The following SLC5A7 variants were observed in gnomAD, a reference collection of about 807,000 sequenced individuals.
SLC5A7 encodes the protein solute carrier family 5 member 7.
SLC5A7 carries 19 observed loss-of-function variants against 55.4 expected under a neutral mutation model. The observed-to-expected ratio is 0.34, with a 90% CI of 0.24 to 0.50. The LOEUF is 0.50. SLC5A7 is among the 20% of genes least tolerant of loss of function. The pLI is 0.98. For missense variants in SLC5A7, 506 were observed against 705.3 expected, an observed-to-expected ratio of 0.72 and a Z score of 3.20; for synonymous variants, 265 against 263.7, an observed-to-expected ratio of 1.00 and a Z score of -0.05.
chr2:107,989,496 C>A (rs1677367302), intron 2 of SLC5A7, among the ~76,000 whole-genome samples: 1 of 152,212 alleles, frequency 6.6e-6, no homozygotes, highest in South Asian at 2.1e-4. Context: ...TCTTCATCTA[C>A]TGTACGTGGA....
intron 2 of SLC5A7, among the ~76,000 whole-genome samples, chr2:107,990,067 A>G (rs905903611): frequency 6.6e-6 from 1 of 152,312 alleles, no homozygotes; most frequent in Middle Eastern, 3.4e-3. Context: ...ACCTTGTCAG[A>G]TTGATTGACT....
At chr2:107,989,897 C>A (rs1312019095) in intron 2 of SLC5A7, among the ~76,000 whole-genome samples, 1 of 151,748 alleles carries the variant, frequency 6.6e-6, no homozygotes, top group East Asian at 1.9e-4. Flanking sequence ...TTTTTTCAAC[C>A]TAACAAGCTA....
intron 5 of SLC5A7, 108 bp from the exon 6 acceptor site, chr2:108,001,789 G>C: frequency 8.6e-7 from 1 of 1,165,618 alleles, no homozygotes; most frequent in Non-Finnish European, 1.2e-6. Context: ...TTCTCTGTCT[G>C]AACTAGAGGA....
chr2:107,995,417 C>CA (rs1677628051), intron 4 of SLC5A7, among the ~76,000 whole-genome samples: 1 of 150,330 alleles, frequency 6.7e-6, no homozygotes, highest in Non-Finnish European at 1.5e-5. Context: ...TATATAAAAA[C>CA]ATTGCTGCTA....
At chr2:107,992,583 GTAT>G (rs1482445201) in intron 3 of SLC5A7, among the ~76,000 whole-genome samples, 2 of 152,148 alleles carry the variant, frequency 1.3e-5, no homozygotes, top group Admixed American at 6.5e-5. Context: ...GAGGTCAAAA[GTAT>G]TATATAACAG....
chr2:108,003,465 A>G (rs148761110), intron 6 of SLC5A7, among the ~76,000 whole-genome samples: 2 of 152,324 alleles, frequency 1.3e-5, no homozygotes, highest in Non-Finnish European at 1.5e-5. Flanking sequence ...AAATTATAAG[A>G]CAAGTTAAAA....
intron 5 of SLC5A7, among the ~76,000 whole-genome samples, chr2:108,001,181 ATC>A (rs1677878290): frequency 6.6e-6 from 1 of 151,848 alleles, no homozygotes; most frequent in Admixed American, 6.6e-5. Context: ...GGGGATATAT[ATC>A]TCAATAGCTA....
At chr2:107,992,919 A>G (rs1234968777) in intron 3 of SLC5A7, 53 bp from the exon 4 acceptor site, 2 of 1,583,816 alleles carry the variant, frequency 1.3e-6, no homozygotes, top group Admixed American at 1.8e-5. Context: ...ATAGTAAAAG[A>G]CTATTATATT....
At chr2:108,001,069 C>G (rs1677872651) in intron 5 of SLC5A7, among the ~76,000 whole-genome samples, 1 of 151,118 alleles carries the variant, frequency 6.6e-6, no homozygotes, top group Non-Finnish European at 1.5e-5. Context: ...CTGAGAAATA[C>G]AATTCTTTAT....
intron 7 of SLC5A7, 43 bp downstream of exon 7, chr2:108,006,245 C>T (rs773036934): frequency 6.2e-7 from 1 of 1,608,744 alleles, no homozygotes; most frequent in South Asian, 1.1e-5. Context: ...GTTAGTTTAC[C>T]AATCCCCACC....
chr2:108,010,491 C>T lies in SLC5A7; in HGVS notation c.1373C>T (p.Pro458Leu). 1 of 1,613,922 alleles carries T rather than the reference C, an allele frequency of 6.2e-7. No individual in the cohort carries two copies. The part of the protein sequence containing the change: ...TGGEPYLYLQ[P>L]LIFYPGYYPD... ...GGGGAGCCATATCTGTATCTTCAGC[C>T]CTTGATCTTCTACCCTGGCTATTAC... Residue 458 changes from proline (P) to leucine (L), a missense_variant, in exon 9 of 9, where the codon CCC becomes CTC. This residue lies in a region of SLC5A7 where 137 missense variants were observed against 143.6 expected (regional missense o/e 0.95). Transcript: ENST00000264047.
At position 108,002,188 on chromosome 2, in the gene SLC5A7, C is replaced by A; in HGVS notation, c.741+148C>A. ...GGACTCTCTATCGGGAGGGTGGAGC[C>A]AGGGCCGGACTATCGTGGCTGGCAG... On this transcript the variant is annotated intron_variant, in intron 6 of 8. Transcript: ENST00000264047. The A allele has an allele frequency of 5.4e-6, 5 of 923,780 alleles. No homozygotes were observed. The South Asian group carries it at 8.7e-5, about 16-fold the overall frequency. 57.2% of individuals were successfully genotyped at this position (923,780 alleles called of 1,614,324 possible). A position where few individuals can be genotyped will look rare whatever the true frequency, so the allele number is the denominator to read the frequency against.
rs1343109902 is a variant in SLC5A7, at chr2:108,011,846, C to T, written c.*985C>T. 3 of 152,100 alleles carry T rather than the reference C, an allele frequency of 2.0e-5. No individual in the cohort carries two copies. Among genetic ancestry groups the T allele is most frequent in the Non-Finnish European group, 4.4e-5 (3 of 67,982 alleles). 9.4% of individuals were successfully genotyped at this position (152,100 alleles called of 1,614,324 possible). A position where few individuals can be genotyped will look rare whatever the true frequency, so the allele number is the denominator to read the frequency against. On this transcript the variant is annotated 3_prime_UTR_variant, in exon 9 of 9. Transcript: ENST00000264047. ...CATTGAATACTTTATGGGAAGCCTC[C>T]ACAACACCTCCTGATAGTAGTAAAA...
intron 1 of SLC5A7, among the ~76,000 whole-genome samples, chr2:107,987,769 T>G (rs1465149077): frequency 6.6e-6 from 1 of 152,170 alleles, no homozygotes; most frequent in Non-Finnish European, 1.5e-5. Context: ...TCTTTGTAAA[T>G]GATTTGACAG....
chr2:107,993,018 C>A lies in SLC5A7; in HGVS notation c.339C>A (p.Thr113=), dbSNP rs550860062. Residue 113 remains threonine (T), a synonymous_variant, in exon 4 of 9, where the codon ACC becomes ACA. Coordinates refer to ENST00000264047, the MANE Select transcript of SLC5A7 (RefSeq NM_021815.5). The part of the protein sequence containing the change: ...AKPMRSKGYV[T]MLDPFQQIYG... Reference sequence around the variant, plus strand: ...CTATGCGTTCAAAGGGGTATGTGACCATGTTAGACCCGTTTCAGCAAATCT... The same window carrying A: ...CTATGCGTTCAAAGGGGTATGTGACAATGTTAGACCCGTTTCAGCAAATCT... 2 of 1,614,136 alleles carry A rather than the reference C, an allele frequency of 1.2e-6. No individual in the cohort carries two copies. The highest frequency in any genetic ancestry group is 2.2e-5 in the East Asian group (1 of 44,882).
At chr2:107,998,305 G>A (rs1055922939) in intron 5 of SLC5A7, among the ~76,000 whole-genome samples, 10 of 152,144 alleles carry the variant, frequency 6.6e-5, no homozygotes, top group Admixed American at 6.5e-4. Context: ...CCTCGGCAGA[G>A]ATAACAAAAT....
At chr2:107,998,764 C>A (rs935910633) in intron 5 of SLC5A7, among the ~76,000 whole-genome samples, 5 of 152,200 alleles carry the variant, frequency 3.3e-5, no homozygotes, top group African/African-American at 1.2e-4. Context: ...TCTTTAGGGG[C>A]AATGCCCTCC....
In SLC5A7 at chr2:107,988,213, C is replaced by T. The variant is rs565195092; in HGVS notation, c.58C>T (p.Leu20=). 1 of 1,614,112 alleles carries T rather than the reference C, an allele frequency of 6.2e-7. No homozygotes were observed. Among genetic ancestry groups the T allele is most frequent in the Non-Finnish European group, 8.5e-7 (1 of 1,179,978 alleles). Residue 20 remains leucine (L), a synonymous_variant, in exon 2 of 9, where the codon CTG becomes TTG. Coordinates refer to ENST00000264047, the MANE Select transcript of SLC5A7 (RefSeq NM_021815.5). ...CATCGTGTTCTACCTTCTAATTTTG[C>T]TGGTTGGAATATGGGCTGCCTGGAG... is the stretch of plus-strand genomic sequence containing the variant. ...AIIVFYLLIL[L]VGIWAAWRTK... is the part of the protein sequence containing the mutation.
intron 2 of SLC5A7, among the ~76,000 whole-genome samples, chr2:107,989,048 T>C (rs62148704): frequency 0.062 from 9,471 of 152,316 alleles, 395 homozygotes; most frequent in Middle Eastern, 0.11. Flanking sequence ...GGAGCTGATA[T>C]TCTTTCTTAC....
Sources: gnomAD v4.1 joint callset for allele counts (sites outside exome capture counted in the v4.1 genomes callset) on GRCh38, gnomAD v4.1.1 for gene constraint, gnomAD v4.1.1 regional missense constraint, MANE v1.5 for transcripts, NCBI Gene and HGNC (gene_info 2026-07-23, HGNC 2026-07-21) for gene names.